XRN2: variants seen among roughly 807,000 people sequenced by gnomAD.
The protein encoded by XRN2 is DHM1-like protein.
Under a neutral mutation model 138.5 loss-of-function variants are expected in XRN2, and 44 were observed. That is an observed-to-expected ratio of 0.32 (90% CI 0.25 to 0.41). XRN2 has a LOEUF of 0.41. Among genes scored for constraint, XRN2 ranks in the 10% least tolerant of loss-of-function variants. XRN2 has a pLI of 1.00. For synonymous variants in XRN2, 354 were observed against 369.4 expected (o/e 0.96, Z 0.48); for missense variants, 937 against 1,169.3 (o/e 0.80, Z 2.90).
At position 21,334,829 on chromosome 20, in the gene XRN2, T is replaced by A. The variant is rs1159329302; in HGVS notation, c.1233+644T>A. Among the ~76,000 whole-genome samples, 3 of 152,246 alleles carry A rather than the reference T, an allele frequency of 2.0e-5. No individual in the cohort carries two copies. The East Asian group carries it at 5.8e-4, about 29-fold the overall frequency. ...GTGGGGACAAAGTAAAAACTGAGTT[T>A]CATTTTGGAGATGTTTAATGTGAGG... is the stretch of plus-strand genomic sequence containing the variant. On this transcript the variant is annotated intron_variant, in intron 13 of 29. Transcript: ENST00000377191.
At chr20:21,322,100 A>G (rs919175560) in intron 1 of XRN2, among the ~76,000 whole-genome samples, 3 of 152,172 alleles carry the variant, frequency 2.0e-5, no homozygotes, top group Non-Finnish European at 4.4e-5. Flanking sequence ...TGTGTTCTTA[A>G]TTGTAAGTGG....
chr20:21,338,258 A>T (rs114938072), intron 13 of XRN2, among the ~76,000 whole-genome samples: 18 of 152,284 alleles, frequency 1.2e-4, no homozygotes, highest in African/African-American at 3.1e-4. Flanking sequence ...CTTGATACTC[A>T]GGGAAACTTG....
At chr20:21,367,673 C>T (rs1347971383) in intron 26 of XRN2, among the ~76,000 whole-genome samples, 2 of 152,074 alleles carry the variant, frequency 1.3e-5, no homozygotes, top group Non-Finnish European at 2.9e-5. Context: ...GTCTGTCAAG[C>T]GCTTAGGGTA....
chr20:21,343,302 G>A (rs1293062505), intron 15 of XRN2, among the ~76,000 whole-genome samples: 1 of 151,856 alleles, frequency 6.6e-6, no homozygotes, highest in Non-Finnish European at 1.5e-5. Flanking sequence ...AAATATGTTA[G>A]GGTTATATTA....
chr20:21,339,282 T>C (rs2038341165), intron 14 of XRN2, among the ~76,000 whole-genome samples, 194 bp downstream of exon 14: 1 of 152,202 alleles, frequency 6.6e-6, no homozygotes, highest in Non-Finnish European at 1.5e-5. Flanking sequence ...CTCTGATGTC[T>C]GAAGGGATAC....
chr20:21,326,905 G>A (rs757216594), intron 3 of XRN2, among the ~76,000 whole-genome samples: 19 of 152,294 alleles, frequency 1.2e-4, no homozygotes, highest in Admixed American at 6.5e-4. Context: ...GGCATTATAA[G>A]CACTAGATAA....
chr20:21,384,842 C>G (rs1337866557), intron 28 of XRN2, among the ~76,000 whole-genome samples: 2 of 152,006 alleles, frequency 1.3e-5, no homozygotes, highest in African/African-American at 4.8e-5. Flanking sequence ...TGCTTCTATC[C>G]CAGATTTTAA....
chr20:21,354,637 G>A, intron 20 of XRN2, 152 bp from the exon 21 acceptor site: 1 of 591,046 alleles, frequency 1.7e-6, no homozygotes, highest in Non-Finnish European at 3.0e-6. Context: ...TAGCATCTGA[G>A]TTTTGGCTTA....
intron 16 of XRN2, among the ~76,000 whole-genome samples, chr20:21,344,464 A>G (rs1228502152): frequency 1.3e-5 from 2 of 152,172 alleles, no homozygotes; most frequent in Admixed American, 6.5e-5. Flanking sequence ...CTCTGAGACC[A>G]GGCACAAGAT....
At chr20:21,337,662 T>A (rs2038314600) in intron 13 of XRN2, among the ~76,000 whole-genome samples, 1 of 152,174 alleles carries the variant, frequency 6.6e-6, no homozygotes, top group Non-Finnish European at 1.5e-5. Context: ...GTTCCATTAT[T>A]GGAACGATAA....
In XRN2 at chr20:21,349,470, T is replaced by C; in HGVS notation, c.1936+9T>C. 1 of 1,583,554 alleles carries C rather than the reference T, an allele frequency of 6.3e-7. No individual in the cohort carries two copies. On this transcript the variant is annotated intron_variant, in intron 20 of 29. Coordinates refer to ENST00000377191, the MANE Select transcript of XRN2 (RefSeq NM_012255.5). ...GAAATATGCATGGCAAGGTAAAATT[T>C]AGACGTTCTTTTCTGGTAAAACTGT...
chr20:21,353,804 A>G (rs993634946), intron 20 of XRN2, among the ~76,000 whole-genome samples: 77 of 151,552 alleles, frequency 5.1e-4, no homozygotes, highest in African/African-American at 1.7e-3. Flanking sequence ...TAAAAAAAAA[A>G]AAAAAACAAC....
At chr20:21,338,730 ATTGACAGCCTG>A (rs1333721148) in intron 13 of XRN2, among the ~76,000 whole-genome samples, 1 of 152,118 alleles carries the variant, frequency 6.6e-6, no homozygotes, top group Non-Finnish European at 1.5e-5. Context: ...TCTTCTCCAT[ATTGACAGCCTG>A]TTTGCTCCAG....
intron 1 of XRN2, among the ~76,000 whole-genome samples, chr20:21,317,636 G>A (rs1021560281): frequency 5.9e-5 from 9 of 152,136 alleles, no homozygotes; most frequent in South Asian, 2.1e-4. Flanking sequence ...ACATCTTCTC[G>A]TATATTTTAA....
chr20:21,307,482 T>G lies in XRN2; in HGVS notation c.75+4009T>G, dbSNP rs1037385705. The stretch of plus-strand genomic sequence containing the variant: ...CCCCAACCTTTGGTGTTTTTGCAGC[T>G]TTGTTGAGGTATACTTGACATAGAA... On this transcript the variant is annotated intron_variant, in intron 1 of 29. Transcript: ENST00000377191. 5.2e-5 allele frequency among the ~76,000 whole-genome samples: 4 copies of G among 76,956 alleles called. 1 individual carries two copies. The highest frequency in any genetic ancestry group is 1.4e-4 in the African/African-American group (4 of 28,086). 50.5% of individuals were successfully genotyped at this position (76,956 alleles called of 152,430 possible).
At chr20:21,345,819 T>C (rs2038429316) in intron 16 of XRN2, among the ~76,000 whole-genome samples, 1 of 152,160 alleles carries the variant, frequency 6.6e-6, no homozygotes, top group Non-Finnish European at 1.5e-5. Flanking sequence ...TATATCTCTA[T>C]CTCCTTTCCT....
chr20:21,358,694 T>TTA (rs2038603002), intron 24 of XRN2, among the ~76,000 whole-genome samples: 1 of 152,238 alleles, frequency 6.6e-6, no homozygotes, highest in South Asian at 2.1e-4. Flanking sequence ...AGAAAGGCTT[T>TTA]TATTTAAAGA....
chr20:21,364,471 C>T (rs2038671709), intron 24 of XRN2, among the ~76,000 whole-genome samples: 2 of 152,188 alleles, frequency 1.3e-5, no homozygotes, highest in East Asian at 1.9e-4. Context: ...AAAAGAAGTT[C>T]GACCCAGCTT....
chr20:21,340,348 C>T (rs111877510), intron 14 of XRN2, among the ~76,000 whole-genome samples: 165 of 152,212 alleles, frequency 1.1e-3, no homozygotes, highest in African/African-American at 3.9e-3. Context: ...AACTCAAACT[C>T]AACTTTTTTT....
Sources: gnomAD v4.1 joint callset for allele counts (sites outside exome capture counted in the v4.1 genomes callset) on GRCh38, gnomAD v4.1.1 for gene constraint, MANE v1.5 for transcripts, NCBI Gene and HGNC (gene_info 2026-07-23, HGNC 2026-07-21) for gene names.